ZNF214: variants seen among roughly 807,000 people sequenced by gnomAD.
ZNF214 encodes the protein zinc finger protein 214, also known as BWSCR2-associated zinc finger protein 1.
In ZNF214, 43 loss-of-function variants were observed where a neutral mutation model predicts 53.9. The ratio of observed to expected loss-of-function variants is 0.80; its 90% CI spans 0.63 to 1.03. The LOEUF is 1.03. ZNF214 is among the 50% of genes least tolerant of loss of function. The probability of loss-of-function intolerance (pLI) is 0.00; values close to 1 mark genes in which losing one functional copy is unlikely to be tolerated. For synonymous variants in ZNF214, 217 were observed against 229.5 expected (o/e 0.95, Z 0.49); for missense variants, 724 against 719.1 (o/e 1.01, Z -0.08).
chr11:7,000,681 C>T lies in ZNF214; in HGVS notation c.1002G>A (p.Glu334=). Residue 334 remains glutamate (E), a synonymous_variant, in exon 3 of 3, where the codon GAG becomes GAA. Coordinates refer to ENST00000278314, the MANE Select transcript of ZNF214 (RefSeq NM_013249.4). ...AATTTCTACTGAGGTCTTTATCACA[C>T]TCAATTTTATAGAATTTCTCTTCTG... ...VHTEEKFYKI[E]CDKDLSRNSL... is the part of the protein sequence containing the mutation. The T allele has an allele frequency of 1.2e-6, 2 of 1,601,490 alleles. No individual in the cohort carries two copies. Among genetic ancestry groups the T allele is most frequent in the Non-Finnish European group, 1.7e-6 (2 of 1,175,958 alleles).
rs1433524791 is a variant in ZNF214 at position 7,000,896 on chromosome 11, A to G, written c.787T>C (p.Tyr263His). The change falls in exon 3 of 3, where the codon TAT (tyrosine) becomes CAT (histidine). Residue 263 changes from tyrosine to histidine, a missense_variant. By Grantham distance (83) the Tyr-to-His change is moderately conservative. Transcript: ENST00000278314. ...CCTATGTGGTTTCTTGGATGTCTATACAAGTCTGATCTCTGAGAGAAGCAT... is the reference window on the plus strand; with the variant it reads ...CCTATGTGGTTTCTTGGATGTCTATGCAAGTCTGATCTCTGAGAGAAGCAT... ...KACFSQRSDL[Y>H]RHPRNHIGKK... is the part of the protein sequence containing the mutation. 6.2e-7 allele frequency: 1 copy of G among 1,613,142 alleles called. No individual in the cohort carries two copies. The highest frequency in any genetic ancestry group is 8.5e-7 in the Non-Finnish European group (1 of 1,179,600).
At chr11:7,015,797 G>A (rs753278570) in intron 1 of ZNF214, 1 of 152,146 alleles carries the variant, frequency 6.6e-6, no homozygotes, top group Admixed American at 6.5e-5. Flanking sequence ...CATTTTGAAA[G>A]TGGAATAATG....
chr11:7,008,516 A>C (rs1194130317), intron 1 of ZNF214, among the ~76,000 whole-genome samples: 5 of 108,896 alleles, frequency 4.6e-5, no homozygotes, highest in Non-Finnish European at 1.1e-4. Context: ...ATTTACCTTG[A>C]GAACCAGAAA....
At chr11:7,013,726 G>A (rs1470542012) in intron 1 of ZNF214, among the ~76,000 whole-genome samples, 1 of 152,076 alleles carries the variant, frequency 6.6e-6, no homozygotes, top group African/African-American at 2.4e-5. Flanking sequence ...CCCACGACCT[G>A]GTGTTGGGTC....
In ZNF214 at chr11:7,018,438, C is replaced by T. The variant is rs1233665801; in HGVS notation, c.-21+1635G>A. Among the ~76,000 whole-genome samples, 10 of 149,580 alleles carry T rather than the reference C, an allele frequency of 6.7e-5. No individual in the cohort carries two copies. The South Asian group carries it at 1.5e-3, about 22-fold the overall frequency. On this transcript the variant is annotated intron_variant, in intron 1 of 2. Coordinates refer to ENST00000278314, the MANE Select transcript of ZNF214 (RefSeq NM_013249.4). Reference sequence around the variant, plus strand: ...CACTCATTCTGGCACTGTTTAATGTCGATAACTTCAGAAATTATTATTAAT... The same window carrying T: ...CACTCATTCTGGCACTGTTTAATGTTGATAACTTCAGAAATTATTATTAAT...
At chr11:7,007,743 A>G (rs1289832181) in intron 1 of ZNF214, among the ~76,000 whole-genome samples, 1 of 152,002 alleles carries the variant, frequency 6.6e-6, no homozygotes, top group Non-Finnish European at 1.5e-5. Context: ...TATGAAGACT[A>G]AACACTACAA....
chr11:7,004,266 C>G (rs1851424554), intron 1 of ZNF214, among the ~76,000 whole-genome samples: 1 of 152,050 alleles, frequency 6.6e-6, no homozygotes, highest in Non-Finnish European at 1.5e-5. Flanking sequence ...ACCACTATAA[C>G]CAGTTTTCAC....
intron 1 of ZNF214, among the ~76,000 whole-genome samples, chr11:7,013,621 C>T (rs1481388371): frequency 6.6e-6 from 1 of 152,222 alleles, no homozygotes; most frequent in Non-Finnish European, 1.5e-5. Flanking sequence ...CCTTCGCAGC[C>T]TCCGTACAAT....
intron 1 of ZNF214, among the ~76,000 whole-genome samples, chr11:7,013,636 A>G (rs991007215): frequency 1.3e-5 from 2 of 152,136 alleles, no homozygotes; most frequent in African/African-American, 4.8e-5. Context: ...TACAATAGCG[A>G]TGGCCCCCTG....
At chr11:7,015,261 A>G (rs1851733708) in intron 1 of ZNF214, among the ~76,000 whole-genome samples, 1 of 152,228 alleles carries the variant, frequency 6.6e-6, no homozygotes, top group South Asian at 2.1e-4. Flanking sequence ...ATATAAAGAT[A>G]GTTTTAGAAT....
Position 6,997,355 on chromosome 11 carries a change from A to C in ZNF214, c.*2507T>G, listed in dbSNP as rs997467982. On this transcript the variant is annotated 3_prime_UTR_variant, in exon 3 of 3. Transcript: ENST00000278314. ...TTCATCTGTTATAGCACATAATTAG[A>C]AATTTTTAACCCAGTGTTTTCAACA... is the stretch of plus-strand genomic sequence containing the variant. 6.6e-6 allele frequency among the ~76,000 whole-genome samples: 1 copy of C among 151,796 alleles called. No individual in the cohort carries two copies. Among genetic ancestry groups the C allele is most frequent in the African/African-American group, 2.4e-5 (1 of 41,394 alleles).
rs1389813398 is a variant in ZNF214, at chr11:6,997,637, TA to T, written c.*2224del. Among the ~76,000 whole-genome samples, 1 of 150,944 alleles carries T rather than the reference TA, an allele frequency of 6.6e-6. No homozygotes were observed. The highest frequency in any genetic ancestry group is 1.9e-4 in the East Asian group (1 of 5,156). On this transcript the variant is annotated 3_prime_UTR_variant, in exon 3 of 3. Coordinates refer to ENST00000278314, the MANE Select transcript of ZNF214 (RefSeq NM_013249.4). Reference sequence around the variant, plus strand: ...AAATTGTCATTCAAAAAGAAAATGTTATTATGAGTCCCTGCTATTTAAGATC... The same window carrying T: ...AAATTGTCATTCAAAAAGAAAATGTTTTATGAGTCCCTGCTATTTAAGATC...
In ZNF214 at chr11:7,001,515, G is replaced by C. The variant is rs1344800164; in HGVS notation, c.168C>G (p.Phe56Leu). Residue 56 changes from phenylalanine to leucine, a missense_variant, in exon 3 of 3, where the codon TTC (phenylalanine) becomes TTG (leucine). Phe to Leu is a conservative substitution (Grantham distance 22). Transcript: ENST00000278314. ...NESYKSQEEKFRYLEYENFSY... is the reference protein window; with the variant it reads ...NESYKSQEEKLRYLEYENFSY... ...AAAAATTTTCATATTCTAAGTATCT[G>C]AATTTTTCTTCTTGGGATTTGTAGC... 1.2e-6 allele frequency: 2 copies of C among 1,608,108 alleles called. No homozygotes were observed. The highest frequency in any genetic ancestry group is 3.4e-5 in the Admixed American group (2 of 59,156).
rs762039416 is a variant in ZNF214 at position 7,000,512 on chromosome 11, A to G, written c.1171T>C (p.Cys391Arg). Residue 391 changes from cysteine (C) to arginine (R), a missense_variant, in exon 3 of 3, where the codon TGT becomes CGT. Coordinates refer to ENST00000278314, the MANE Select transcript of ZNF214 (RefSeq NM_013249.4). Reference sequence around the variant, plus strand: ...GAGCTCTGGCTGAAACCCTTACCACACTCATCACACTTATATGGTTTTTCT... The same window carrying G: ...GAGCTCTGGCTGAAACCCTTACCACGCTCATCACACTTATATGGTTTTTCT... ...TGEKPYKCDECGKGFSQSSNL... is the reference protein window; with the variant it reads ...TGEKPYKCDERGKGFSQSSNL... The G allele has an allele frequency of 1.9e-6, 3 of 1,612,388 alleles. No homozygotes were observed. The South Asian group carries it at 3.3e-5, about 18-fold the overall frequency.
chr11:7,006,695 C>G (rs578084604), intron 1 of ZNF214, among the ~76,000 whole-genome samples: 7 of 152,126 alleles, frequency 4.6e-5, no homozygotes, highest in Non-Finnish European at 8.8e-5. Flanking sequence ...ATTACTAATA[C>G]AGGCTTATTT....
intron 1 of ZNF214, among the ~76,000 whole-genome samples, chr11:7,012,152 C>T (rs1384803913): frequency 6.6e-6 from 1 of 152,086 alleles, no homozygotes; most frequent in Non-Finnish European, 1.5e-5. Context: ...ACCAAAACTA[C>T]AGTAGTAAAA....
rs781247070 is a variant in ZNF214 at position 7,000,218 on chromosome 11, G to T, written c.1465C>A (p.Gln489Lys). Residue 489 changes from glutamine (Q) to lysine (K), a missense_variant, in exon 3 of 3, where the codon CAA becomes AAA. Coordinates refer to ENST00000278314, the MANE Select transcript of ZNF214 (RefSeq NM_013249.4). ...FSKSSKLHTHQRVHTGEKPYK... is the reference protein window; with the variant it reads ...FSKSSKLHTHKRVHTGEKPYK... ...GGTTTCTCTCCAGTATGTACTCTTT[G>T]ATGAGTGTGAAGCTTTGAACTCTTA... 6.2e-6 allele frequency: 10 copies of T among 1,613,316 alleles called. No individual in the cohort carries two copies. In the African/African-American group the frequency reaches 1.3e-4, roughly 22 times the overall value.
chr11:7,019,387 G>C (rs1329528307), intron 1 of ZNF214, among the ~76,000 whole-genome samples: 1 of 152,106 alleles, frequency 6.6e-6, no homozygotes, highest in Admixed American at 6.5e-5. Flanking sequence ...CTTATTTATT[G>C]AGATTATTAT....
At chr11:7,016,855 A>G (rs1851781837) in intron 1 of ZNF214, among the ~76,000 whole-genome samples, 1 of 152,208 alleles carries the variant, frequency 6.6e-6, no homozygotes, top group African/African-American at 2.4e-5. Flanking sequence ...GGAAAATGAA[A>G]GCAATTACAT....
Sources: allele counts gnomAD v4.1 joint callset (sites outside exome capture counted in the v4.1 genomes callset), GRCh38; gene constraint gnomAD v4.1.1; transcripts MANE v1.5; gene names NCBI Gene and HGNC (gene_info 2026-07-23, HGNC 2026-07-21).